FBXL13: variants seen among roughly 807,000 people sequenced by gnomAD.
FBXL13 encodes the protein F-box and leucine rich repeat protein 13, also known as F-box and leucine-rich repeat protein 13.
Under a neutral mutation model 83.6 loss-of-function variants are expected in FBXL13, and 67 were observed. That is an observed-to-expected ratio of 0.80 (90% CI 0.66 to 0.98). FBXL13 has a LOEUF of 0.98. Ranked by LOEUF, FBXL13 falls within the 50% of genes least tolerant of loss-of-function variation. The pLI is 0.00. For missense variants in FBXL13, 822 were observed against 866.5 expected, an observed-to-expected ratio of 0.95 and a Z score of 0.64; for synonymous variants, 272 against 299.5, an observed-to-expected ratio of 0.91 and a Z score of 0.95.
intron 10 of FBXL13, among the ~76,000 whole-genome samples, chr7:102,921,030 T>C (rs1177018847): frequency 3.3e-5 from 5 of 152,014 alleles, no homozygotes; most frequent in African/African-American, 9.7e-5. Context: ...CGGGCACCTG[T>C]AATCCCAGCT....
intron 6 of FBXL13, among the ~76,000 whole-genome samples, chr7:103,014,779 C>T (rs1198781963): frequency 2.0e-5 from 3 of 151,672 alleles, no homozygotes; most frequent in Non-Finnish European, 4.4e-5. Flanking sequence ...AAAAATTAGC[C>T]GGGCAAGGTA....
intron 6 of FBXL13, among the ~76,000 whole-genome samples, chr7:103,003,934 T>C (rs1332373891): frequency 2.0e-5 from 3 of 152,242 alleles, no homozygotes; most frequent in Non-Finnish European, 4.4e-5. Context: ...TACATTTCTC[T>C]GATAAATTTA....
chr7:102,841,349 T>C (rs543223075), intron 17 of FBXL13, among the ~76,000 whole-genome samples: 135 of 152,288 alleles, frequency 8.9e-4, no homozygotes, highest in Non-Finnish European at 1.8e-3. Flanking sequence ...ACGGATTATC[T>C]TCCTTTTAAC....
intron 16 of FBXL13, 91 bp downstream of exon 17, chr7:102,877,376 A>G: frequency 9.3e-7 from 1 of 1,070,544 alleles, no homozygotes; most frequent in Non-Finnish European, 1.3e-6. Context: ...CAAATAAAAC[A>G]TATTATTGTT....
chr7:103,007,375 G>GA (rs748896775), intron 6 of FBXL13, among the ~76,000 whole-genome samples: 8 of 149,106 alleles, frequency 5.4e-5, no homozygotes, highest in Admixed American at 2.0e-4. Flanking sequence ...TACAAAAGCA[G>GA]AAAAAAAAAA....
At chr7:102,944,389 A>G in intron 8 of FBXL13, 1 of 1,614,106 alleles carries the variant, frequency 6.2e-7, no homozygotes, top group South Asian at 1.1e-5. Context: ...GCACCACTAC[A>G]ATGTCCATTT....
intron 1 of FBXL13, among the ~76,000 whole-genome samples, chr7:103,057,579 C>T (rs1367419944): frequency 6.6e-6 from 1 of 152,088 alleles, no homozygotes; most frequent in Non-Finnish European, 1.5e-5. Context: ...CAACATCTAC[C>T]GAGTATATAC....
chr7:102,961,729 A>G (rs1825245733), intron 8 of FBXL13, among the ~76,000 whole-genome samples: 1 of 146,444 alleles, frequency 6.8e-6, no homozygotes, highest in African/African-American at 2.5e-5. Flanking sequence ...AAAACAAGCA[A>G]TGGGGAAAGG....
At chr7:103,065,446 C>T (rs1335293414) in intron 1 of FBXL13, among the ~76,000 whole-genome samples, 1 of 152,220 alleles carries the variant, frequency 6.6e-6, no homozygotes, top group Non-Finnish European at 1.5e-5. Flanking sequence ...TCCAACTCTC[C>T]GGAAAGTTCT....
intron 6 of FBXL13, among the ~76,000 whole-genome samples, chr7:103,017,113 C>A (rs553646669): frequency 3.3e-5 from 5 of 152,240 alleles, no homozygotes; most frequent in African/African-American, 1.2e-4. Flanking sequence ...GCTGGGTACC[C>A]CTCTGAGACG....
intron 6 of FBXL13, among the ~76,000 whole-genome samples, chr7:102,986,006 C>A (rs535563034): frequency 6.8e-6 from 1 of 146,534 alleles, no homozygotes; most frequent in East Asian, 2.0e-4. Context: ...ATCCCTGGAA[C>A]CTGGCACGAT....
At chr7:102,936,781 A>G (rs1820387528) in intron 8 of FBXL13, among the ~76,000 whole-genome samples, 1 of 148,418 alleles carries the variant, frequency 6.7e-6, no homozygotes. Context: ...TACCATCTAT[A>G]CAAGATTTAA....
intron 6 of FBXL13, among the ~76,000 whole-genome samples, chr7:102,970,353 A>C (rs907999851): frequency 6.6e-6 from 1 of 152,174 alleles, no homozygotes; most frequent in Non-Finnish European, 1.5e-5. Flanking sequence ...TTTTTTAAAA[A>C]AATGAATGAA....
intron 2 of FBXL13, among the ~76,000 whole-genome samples, chr7:103,049,047 C>T (rs771666652): frequency 1.2e-4 from 18 of 152,074 alleles, no homozygotes; most frequent in Non-Finnish European, 2.2e-4. Context: ...AGACCATCTA[C>T]AACATGCTTG....
Position 102,998,923 on chromosome 7 carries a change from G to A in FBXL13, c.495+26140C>T, listed in dbSNP as rs192268063. On this transcript the variant is annotated intron_variant, in intron 6 of 19. Coordinates refer to ENST00000313221, the Ensembl canonical transcript of FBXL13. Reference sequence around the variant, plus strand: ...TTTGGATACCCTTTCTTTCTTTCACGTAGTTGCTCTGGCTAGGACTTCCAG... The same window carrying A: ...TTTGGATACCCTTTCTTTCTTTCACATAGTTGCTCTGGCTAGGACTTCCAG... 1.1e-4 allele frequency among the ~76,000 whole-genome samples: 17 copies of A among 152,070 alleles called. No individual in the cohort carries two copies. In the East Asian group the frequency reaches 2.7e-3, roughly 24 times the overall value.
At chr7:102,895,529 C>A (rs752686992) in intron 11 of FBXL13, among the ~76,000 whole-genome samples, 1 of 152,210 alleles carries the variant, frequency 6.6e-6, no homozygotes, top group Non-Finnish European at 1.5e-5. Context: ...GGCATTTGGG[C>A]TTGAACCTGA....
At chr7:102,997,833 C>A (rs139627667) in intron 6 of FBXL13, among the ~76,000 whole-genome samples, 71 of 152,288 alleles carry the variant, frequency 4.7e-4, no homozygotes, top group African/African-American at 1.6e-3. Context: ...TGAACACTTA[C>A]AGTGACAGAT....
At chr7:102,840,012 G>A (rs1802644949) in intron 17 of FBXL13, among the ~76,000 whole-genome samples, 1 of 152,024 alleles carries the variant, frequency 6.6e-6, no homozygotes, top group Admixed American at 6.6e-5. Flanking sequence ...AAATCTTGAT[G>A]GCTTACTGGC....
rs574501190 is a variant in FBXL13, at chr7:102,879,851, C to T, written c.1389-1401G>A. ...CCTCCCGAGTAGCTAGGACTACAGG[C>T]GACTGCCACCATGCCTGGCTAATTC... is the stretch of plus-strand genomic sequence containing the variant. On this transcript the variant is annotated intron_variant, in intron 14 of 19. Transcript: ENST00000313221. 8.5e-5 allele frequency among the ~76,000 whole-genome samples: 13 copies of T among 152,260 alleles called. No homozygotes were observed. In the South Asian group the frequency reaches 1.5e-3, roughly 17 times the overall value.
Sources: allele counts gnomAD v4.1 joint callset (sites outside exome capture counted in the v4.1 genomes callset), GRCh38; gene constraint gnomAD v4.1.1; transcripts MANE v1.5; gene names NCBI Gene and HGNC (gene_info 2026-07-23, HGNC 2026-07-21).